The following MMP26 variants were observed in gnomAD, a reference collection of about 807,000 sequenced individuals.
MMP26 encodes matrix metallopeptidase 26.
In MMP26, 33 loss-of-function variants were observed where a neutral mutation model predicts 31.0. The observed-to-expected ratio is 1.06, with a 90% CI of 0.81 to 1.42. The LOEUF is 1.42. MMP26 is among the 40% of genes most tolerant of loss of function. MMP26 has a pLI of 0.00. For missense variants in MMP26, 347 were observed against 316.1 expected, an observed-to-expected ratio of 1.10 and a Z score of -0.74; for synonymous variants, 122 against 114.9, an observed-to-expected ratio of 1.06 and a Z score of -0.40.
intron 2 of MMP26, among the ~76,000 whole-genome samples, chr11:4,796,170 C>A (rs994362206): frequency 5.9e-5 from 9 of 152,212 alleles, no homozygotes; most frequent in African/African-American, 1.9e-4. Context: ...TCGCTTGTCT[C>A]AGAAGCAACT....
intron 4 of MMP26, among the ~76,000 whole-genome samples, chr11:4,990,300 G>A (rs965209673): frequency 6.6e-6 from 1 of 151,856 alleles, no homozygotes; most frequent in Non-Finnish European, 1.5e-5. Flanking sequence ...ATTTAATTTT[G>A]TTCACATTGT....
rs3065178 is a variant in MMP26, at chr11:4,907,095, TAAAAAAA to T, written c.-144-80959_-144-80953del. On this transcript the variant is annotated intron_variant, in intron 2 of 7. Transcript: ENST00000380390. ...TGGGCAACAAGAGCAAAACTCCCTCTAAAAAAAAAAAAAAAAAAAATCCTAAAAATCC... is the reference window on the plus strand; with the variant it reads ...TGGGCAACAAGAGCAAAACTCCCTCTAAAAAAAAAAAAATCCTAAAAATCC... Among the ~76,000 whole-genome samples, 4 of 55,108 alleles carry T rather than the reference TAAAAAAA, an allele frequency of 7.3e-5. 1 individual carries two copies. The highest frequency in any genetic ancestry group is 1.3e-4 in the African/African-American group (2 of 15,258). 36.2% of individuals were successfully genotyped at this position (55,108 alleles called of 152,430 possible). A position where few individuals can be genotyped will look rare whatever the true frequency, so the allele number is the denominator to read the frequency against.
At chr11:4,894,658 T>C (rs552432895) in intron 2 of MMP26, among the ~76,000 whole-genome samples, 1 of 151,940 alleles carries the variant, frequency 6.6e-6, no homozygotes, top group Non-Finnish European at 1.5e-5. Context: ...ACTCAGCAAA[T>C]GGAACCAACT....
chr11:4,899,835 G>A (rs1356898879), intron 2 of MMP26, among the ~76,000 whole-genome samples: 3 of 152,042 alleles, frequency 2.0e-5, no homozygotes, highest in Non-Finnish European at 4.4e-5. Flanking sequence ...TCCTCACAAT[G>A]TCTCCCACTC....
intron 1 of MMP26, among the ~76,000 whole-genome samples, chr11:4,746,420 C>T (rs1045604786): frequency 2.6e-5 from 4 of 152,162 alleles, no homozygotes; most frequent in South Asian, 2.1e-4. Context: ...TTATATTCCT[C>T]ACTAGGCATT....
chr11:4,770,116 C>T lies in MMP26; in HGVS notation c.-145+2775C>T, dbSNP rs564603003. Among the ~76,000 whole-genome samples, 6 of 152,158 alleles carry T rather than the reference C, an allele frequency of 3.9e-5. No individual in the cohort carries two copies. In the South Asian group the frequency reaches 6.2e-4, roughly 16 times the overall value. On this transcript the variant is annotated intron_variant, in intron 2 of 7. Coordinates refer to ENST00000380390, the MANE Select transcript of MMP26 (RefSeq NM_021801.5). The stretch of plus-strand genomic sequence containing the variant: ...CTACCACTCATAATCAGAAATAGTT[C>T]ACAAAAATATGTTTTTGTACCATAA...
intron 2 of MMP26, among the ~76,000 whole-genome samples, chr11:4,934,584 A>T (rs1851405239): frequency 6.9e-6 from 1 of 145,926 alleles, no homozygotes; most frequent in Non-Finnish European, 1.5e-5. Flanking sequence ...TTTTAATTAG[A>T]TCCCATTTGT....
At chr11:4,825,220 A>G (rs1482098959) in intron 2 of MMP26, among the ~76,000 whole-genome samples, 1 of 152,180 alleles carries the variant, frequency 6.6e-6, no homozygotes, top group Admixed American at 6.6e-5. Context: ...AAAATATTCA[A>G]AAGTCTCAAG....
intron 1 of MMP26, chr11:4,710,330 C>T (rs746056161): frequency 4.4e-6 from 2 of 456,888 alleles, no homozygotes; most frequent in South Asian, 3.1e-5. Context: ...CCATCTTCTA[C>T]ATCCCCATGA....
At chr11:4,927,357 G>C (rs1284667471) in intron 2 of MMP26, among the ~76,000 whole-genome samples, 1 of 152,148 alleles carries the variant, frequency 6.6e-6, no homozygotes, top group African/African-American at 2.4e-5. Flanking sequence ...AGAAAAACTA[G>C]TGCTTTGAAT....
At chr11:4,718,087 C>G (rs949537410) in intron 1 of MMP26, among the ~76,000 whole-genome samples, 4 of 152,150 alleles carry the variant, frequency 2.6e-5, no homozygotes, top group Non-Finnish European at 5.9e-5. Flanking sequence ...TATTATCACA[C>G]TGCAGATAGT....
rs189039377 is a variant in MMP26 at position 4,902,999 on chromosome 11, T to C, written c.-144-85069T>C. Among the ~76,000 whole-genome samples the C allele has an allele frequency of 8.4e-3, 1,283 of 152,082 alleles. 23 individuals are homozygous for C. The highest frequency in any genetic ancestry group is 0.029 in the African/African-American group (1,196 of 41,554). On this transcript the variant is annotated intron_variant, in intron 2 of 7. Coordinates refer to ENST00000380390, the MANE Select transcript of MMP26 (RefSeq NM_021801.5). Reference sequence around the variant, plus strand: ...CCATTATTTTAACCAAAGTTTTTCTTTTTAACTTAGAAATATGCTTTAAGA... The same window carrying C: ...CCATTATTTTAACCAAAGTTTTTCTCTTTAACTTAGAAATATGCTTTAAGA...
rs781321495 is a variant in MMP26, at chr11:4,791,415, G to A, written c.-145+24074G>A. 2.9e-4 allele frequency among the ~76,000 whole-genome samples: 44 copies of A among 152,036 alleles called. 1 individual carries two copies. Among genetic ancestry groups the A allele is most frequent in the South Asian group, 1.2e-3 (6 of 4,814 alleles). ...TTAAGAGAGTTTTACTAACTTAGTT[G>A]TGCCCGAACCTTGATCTCTGTTGGA... On this transcript the variant is annotated intron_variant, in intron 2 of 7. Coordinates refer to ENST00000380390, the MANE Select transcript of MMP26 (RefSeq NM_021801.5).
At chr11:4,716,725 G>C (rs536927712) in intron 1 of MMP26, among the ~76,000 whole-genome samples, 1 of 134,556 alleles carries the variant, frequency 7.4e-6, no homozygotes, top group African/African-American at 2.8e-5. Context: ...GCAATGGTGC[G>C]ATCTCAGCTC....
chr11:4,710,191 C>T (rs200393266), intron 1 of MMP26: 1 of 456,794 alleles, frequency 2.2e-6, no homozygotes, highest in Non-Finnish European at 4.4e-6. Context: ...GTTATCTCTA[C>T]TGCTGGCTTA....
At chr11:4,991,253 C>A in intron 5 of MMP26, 118 bp from the exon 6 acceptor site, 1 of 1,272,366 alleles carries the variant, frequency 7.9e-7, no homozygotes, top group Non-Finnish European at 1.1e-6. Flanking sequence ...AGCTCTCTCA[C>A]ATCCCCCAGT....
chr11:4,898,824 T>TCC, intron 2 of MMP26, among the ~76,000 whole-genome samples: 1 of 49,414 alleles, frequency 2.0e-5, no homozygotes, highest in Non-Finnish European at 3.8e-5. Flanking sequence ...TCTCTCTCTC[T>TCC]CTCTCTCTGT....
Position 4,787,344 on chromosome 11 carries a change from C to G in MMP26, c.-145+20003C>G, listed in dbSNP as rs571697020. ...TTGCATGTTCTGATTCAAGGATGAA[C>G]AGCTATGGAGGCTTAGCTGTTCTCA... On this transcript the variant is annotated intron_variant, in intron 2 of 7. Transcript: ENST00000380390. 3 of 152,378 alleles carry G rather than the reference C, an allele frequency of 2.0e-5. No individual in the cohort carries two copies. In the South Asian group the frequency reaches 6.2e-4, roughly 32 times the overall value. The allele number at this position is 152,378 out of a possible 1,614,324, so 9.4% of individuals were successfully genotyped here. A position where few individuals can be genotyped will look rare whatever the true frequency, so the allele number is the denominator to read the frequency against.
chr11:4,860,978 C>T (rs553820738), intron 2 of MMP26, among the ~76,000 whole-genome samples: 1 of 151,606 alleles, frequency 6.6e-6, no homozygotes, highest in South Asian at 2.1e-4. Context: ...CCTCACAATA[C>T]CATCACCAGA....
Sources: gnomAD v4.1 joint callset for allele counts (sites outside exome capture counted in the v4.1 genomes callset) on GRCh38, gnomAD v4.1.1 for gene constraint, MANE v1.5 for transcripts, NCBI Gene and HGNC (gene_info 2026-07-23, HGNC 2026-07-21) for gene names.